ACTA2: variants seen among roughly 807,000 people sequenced by gnomAD.
ACTA2 encodes actin, aortic smooth muscle.
Under a neutral mutation model 39.5 loss-of-function variants are expected in ACTA2, and 12 were observed. The ratio of observed to expected loss-of-function variants is 0.30; its 90% CI spans 0.19 to 0.49. ACTA2 has a LOEUF of 0.49. Ranked by LOEUF, ACTA2 falls within the 20% of genes least tolerant of loss-of-function variation. ACTA2 has a pLI of 0.99. For synonymous variants in ACTA2, 158 were observed against 180.6 expected, an observed-to-expected ratio of 0.88 and a Z score of 1.00; for missense variants, 236 against 498.8, an observed-to-expected ratio of 0.47 and a Z score of 5.02.
chr10:88,968,137 T>A (rs1296182572), intron 1 of ACTA2, among the ~76,000 whole-genome samples: 2 of 152,198 alleles, frequency 1.3e-5, no homozygotes, highest in Non-Finnish European at 2.9e-5. Flanking sequence ...GTTATATGTA[T>A]TTAACTTGTA....
intron 8 of ACTA2, 116 bp from the exon 9 acceptor site, chr10:88,935,482 A>C: frequency 8.1e-7 from 1 of 1,229,650 alleles, no homozygotes; most frequent in Non-Finnish European, 1.2e-6. Context: ...CAGCAGGGAC[A>C]CAGGCTTGTC....
intron 1 of ACTA2, among the ~76,000 whole-genome samples, chr10:88,962,955 A>G (rs1846257184): frequency 3.8e-5 from 1 of 26,430 alleles, no homozygotes; most frequent in Non-Finnish European, 6.5e-5. Flanking sequence ...ATATATATAT[A>G]TATATATATA....
intron 3 of ACTA2, among the ~76,000 whole-genome samples, chr10:88,944,311 C>T (rs902420496): frequency 2.0e-5 from 3 of 152,096 alleles, no homozygotes; most frequent in African/African-American, 4.8e-5. Flanking sequence ...TGTACCTCAT[C>T]GGGTCTTTGT....
chr10:88,986,607 C>T (rs982802810), intron 1 of ACTA2, among the ~76,000 whole-genome samples: 2 of 151,930 alleles, frequency 1.3e-5, no homozygotes, highest in Non-Finnish European at 2.9e-5. Flanking sequence ...TCTTAGGCTT[C>T]AGGAATGTGA....
chr10:88,957,841 C>T (rs1317215990), intron 1 of ACTA2, among the ~76,000 whole-genome samples: 1 of 152,110 alleles, frequency 6.6e-6, no homozygotes, highest in Non-Finnish European at 1.5e-5. Flanking sequence ...GACCTCGGCT[C>T]ACTGCAACAA....
intron 8 of ACTA2, among the ~76,000 whole-genome samples, chr10:88,935,806 C>T (rs552035823): frequency 6.6e-6 from 1 of 152,322 alleles, no homozygotes. Context: ...TGTGTTTCCA[C>T]GTGGTGAAGT....
intron 4 of ACTA2, 47 bp downstream of exon 4, chr10:88,943,750 A>G: frequency 6.6e-7 from 1 of 1,514,448 alleles, no homozygotes; most frequent in South Asian, 1.1e-5. Flanking sequence ...TTCTAACAGA[A>G]GTTTCCCCAG....
chr10:88,974,723 T>C (rs555322647), intron 1 of ACTA2: 9 of 152,334 alleles, frequency 5.9e-5, no homozygotes, highest in African/African-American at 2.2e-4. Flanking sequence ...CATAGTTCAC[T>C]TAAGACTTTG....
chr10:88,975,710 C>T (rs1437956029), intron 1 of ACTA2, among the ~76,000 whole-genome samples: 1 of 152,024 alleles, frequency 6.6e-6, no homozygotes, highest in African/African-American at 2.4e-5. Context: ...CACATATTGG[C>T]CTCTTAATAA....
At chr10:88,971,534 T>A (rs1314080350) in intron 1 of ACTA2, among the ~76,000 whole-genome samples, 1 of 152,204 alleles carries the variant, frequency 6.6e-6, no homozygotes, top group East Asian at 1.9e-4. Flanking sequence ...CAGGTTTAGA[T>A]CCAGATTTTG....
rs1564642692 is a variant in ACTA2, at chr10:88,938,121, G to A, written c.930C>T (p.Gly310=). 1 of 1,614,054 alleles carries A rather than the reference G, an allele frequency of 6.2e-7. No homozygotes were observed. Among genetic ancestry groups the A allele is most frequent in the Admixed American group, 1.7e-5 (1 of 60,026 alleles). The change falls in exon 8 of 9, where the codon GGC becomes GGT. Residue 310 remains glycine (G), a synonymous_variant. Transcript: ENST00000224784. ...TCTCCTTCTGCATTCGGTCGGCAAT[G>A]CCAGGGTACATAGTGGTGCCCCCTG... ...VLSGGTTMYP[G]IADRMQKEIT...
At position 88,935,334 on chromosome 10, in the gene ACTA2, G is replaced by A. The variant is rs139352781; in HGVS notation, c.1023C>T (p.Val341=). 1.2e-6 allele frequency: 2 copies of A among 1,613,994 alleles called. No homozygotes were observed. Among genetic ancestry groups the A allele is most frequent in the Non-Finnish European group, 1.7e-6 (2 of 1,179,880 alleles). The change falls in exon 9 of 9, where the codon GTC becomes GTT. Residue 341 remains valine (V), a synonymous_variant. Coordinates refer to ENST00000224784, the MANE Select transcript of ACTA2 (RefSeq NM_001613.4). ...IIAPPERKYS[V]WIGGSILASL... ...AGGCCAGGATGGAGCCACCGATCCA[G>A]ACAGAGTATTTGCGCTCCGGAGGGG...
intron 7 of ACTA2, 108 bp from the exon 8 acceptor site, chr10:88,938,350 G>C (rs769983331): frequency 4.0e-6 from 5 of 1,253,038 alleles, no homozygotes; most frequent in Non-Finnish European, 5.9e-6. Flanking sequence ...ACTGAGGCTG[G>C]GAAGACATAA....
intron 1 of ACTA2, among the ~76,000 whole-genome samples, chr10:88,987,315 T>G (rs1846930387): frequency 6.6e-6 from 1 of 152,218 alleles, no homozygotes; most frequent in Admixed American, 6.5e-5. Flanking sequence ...TTCTGATAAT[T>G]TATCAGTTAA....
At chr10:88,988,398 T>C (rs1346904017) in intron 1 of ACTA2, among the ~76,000 whole-genome samples, 2 of 149,164 alleles carry the variant, frequency 1.3e-5, no homozygotes, top group East Asian at 3.9e-4. Context: ...AAAGTCTTAG[T>C]GGTAAAAAGA....
chr10:88,965,606 A>C (rs924650909), intron 1 of ACTA2, among the ~76,000 whole-genome samples: 7 of 152,180 alleles, frequency 4.6e-5, no homozygotes, highest in Admixed American at 1.3e-4. Flanking sequence ...GCCAATGCAC[A>C]GAACAGAGGT....
At chr10:88,959,127 TATTGATC>T (rs1475327963) in intron 1 of ACTA2, among the ~76,000 whole-genome samples, 1 of 152,268 alleles carries the variant, frequency 6.6e-6, no homozygotes, top group African/African-American at 2.4e-5. Context: ...CACATGTGAC[TATTGATC>T]ATTGAAATGT....
chr10:88,967,291 C>A (rs1190228023), intron 1 of ACTA2, among the ~76,000 whole-genome samples: 3 of 152,134 alleles, frequency 2.0e-5, no homozygotes, highest in African/African-American at 7.2e-5. Context: ...AAGGCATCAT[C>A]AGGTAGGGGC....
intron 1 of ACTA2, among the ~76,000 whole-genome samples, chr10:88,971,067 A>G (rs1589416097): frequency 1.3e-5 from 2 of 152,198 alleles, no homozygotes; most frequent in Admixed American, 1.3e-4. Flanking sequence ...AGATGGCACA[A>G]ATAATAGACA....
Sources: gnomAD v4.1 joint callset for allele counts (sites outside exome capture counted in the v4.1 genomes callset) on GRCh38, gnomAD v4.1.1 for gene constraint, MANE v1.5 for transcripts, NCBI Gene and HGNC (gene_info 2026-07-23, HGNC 2026-07-21) for gene names.